DERA: variants seen among roughly 807,000 people sequenced by gnomAD.
The protein encoded by DERA is 2-deoxy-D-ribose 5-phosphate aldolase.
Under a neutral mutation model 41.1 loss-of-function variants are expected in DERA, and 15 were observed. That is an observed-to-expected ratio of 0.37 (90% CI 0.24 to 0.56). The LOEUF (loss-of-function observed/expected upper bound fraction) is 0.56. DERA is among the 20% of genes least tolerant of loss of function. The pLI is 0.81. For synonymous variants in DERA, 139 were observed against 137.4 expected (o/e 1.01, Z -0.08); for missense variants, 396 against 403.4 (o/e 0.98, Z 0.16).
Position 16,021,779 on chromosome 12 carries a change from G to A in DERA, c.638-10763G>A, listed in dbSNP as rs780137972. On this transcript the variant is annotated intron_variant, in intron 6 of 8. Coordinates refer to ENST00000428559, the MANE Select transcript of DERA (RefSeq NM_015954.4). This position sits in a 1 kb window ranked among gnomAD's most constrained non-coding sequence, Gnocchi z 5.3. ...TTGGGGCTTGTATGAGGCCTATAGC[G>A]CACCCCTCCCCCTTTTTTGGCTGAT... Among the ~76,000 whole-genome samples the A allele has an allele frequency of 6.6e-5, 10 of 152,092 alleles. No individual in the cohort carries two copies. Among genetic ancestry groups the A allele is most frequent in the East Asian group, 1.9e-4 (1 of 5,178 alleles).
At chr12:15,973,373 G>T (rs933545229) in intron 5 of DERA, among the ~76,000 whole-genome samples, 8 of 148,322 alleles carry the variant, frequency 5.4e-5, no homozygotes, top group African/African-American at 2.0e-4. Flanking sequence ...GCATTATTCT[G>T]ACTAATTTGC....
chr12:15,979,305 C>T (rs1365380041), intron 5 of DERA, among the ~76,000 whole-genome samples: 1 of 152,222 alleles, frequency 6.6e-6, no homozygotes, highest in Non-Finnish European at 1.5e-5. Context: ...GCTGGTGCTG[C>T]TCCTACTGGC....
chr12:15,917,445 C>G (rs73057124), intron 1 of DERA, among the ~76,000 whole-genome samples: 2,442 of 152,246 alleles, frequency 0.016, 30 homozygotes, highest in Middle Eastern at 0.031. Flanking sequence ...ATATTTAATA[C>G]TTAACATACA....
Position 15,996,000 on chromosome 12 carries a change from G to T in DERA, c.637+13564G>T, listed in dbSNP as rs1252086274. Among the ~76,000 whole-genome samples the T allele has an allele frequency of 6.6e-6, 1 of 152,134 alleles. No homozygotes were observed. The highest frequency in any genetic ancestry group is 1.5e-5 in the Non-Finnish European group (1 of 68,024). Reference sequence around the variant, plus strand: ...GGAAATTGGGTGCGCCACATCAGGAGGTAGGAGACGTTCGAGGCACAGGCT... The same window carrying T: ...GGAAATTGGGTGCGCCACATCAGGATGTAGGAGACGTTCGAGGCACAGGCT... On this transcript the variant is annotated intron_variant, in intron 6 of 8. Coordinates refer to ENST00000428559, the MANE Select transcript of DERA (RefSeq NM_015954.4). The surrounding 1 kb of genome is among the most constrained non-coding windows in gnomAD (Gnocchi z 5.1).
At chr12:16,022,679 G>A (rs1374560878) in intron 6 of DERA, among the ~76,000 whole-genome samples, 9 of 152,280 alleles carry the variant, frequency 5.9e-5, no homozygotes, top group Middle Eastern at 6.8e-3. Context: ...ACCTGAGGTC[G>A]CAAGGTAAAC....
At position 16,012,569 on chromosome 12, in the gene DERA, G is replaced by C. The variant is rs566233086; in HGVS notation, c.638-19973G>C. Among the ~76,000 whole-genome samples the C allele has an allele frequency of 7.1e-4, 108 of 152,296 alleles. No homozygotes were observed. The highest frequency in any genetic ancestry group is 2.4e-3 in the African/African-American group (100 of 41,566). ...TATTCAAATTTGGGAGCAGAGCCGAGTTGTTTAGACAAGAGAGAATAGTCA... is the reference window on the plus strand; with the variant it reads ...TATTCAAATTTGGGAGCAGAGCCGACTTGTTTAGACAAGAGAGAATAGTCA... On this transcript the variant is annotated intron_variant, in intron 6 of 8. Coordinates refer to ENST00000428559, the MANE Select transcript of DERA (RefSeq NM_015954.4). The surrounding 1 kb of genome is among the most constrained non-coding windows in gnomAD (Gnocchi z 4.1).
At chr12:15,920,634 A>G (rs892500052) in intron 1 of DERA, among the ~76,000 whole-genome samples, 1 of 152,064 alleles carries the variant, frequency 6.6e-6, no homozygotes, top group Non-Finnish European at 1.5e-5. Flanking sequence ...AGAGATTGAG[A>G]CCATCCTGGC....
At chr12:15,937,588 A>G (rs1346006735) in intron 1 of DERA, among the ~76,000 whole-genome samples, 1 of 152,102 alleles carries the variant, frequency 6.6e-6, no homozygotes, top group African/African-American at 2.4e-5. Context: ...CTAATGTATT[A>G]TTTCATTAAG....
chr12:16,036,097 C>A lies in DERA; in HGVS notation c.751-135C>A. The A allele has an allele frequency of 1.2e-6, 1 of 806,150 alleles. No individual in the cohort carries two copies. The highest frequency in any genetic ancestry group is 1.7e-6 in the Non-Finnish European group (1 of 573,326). The allele number at this position is 806,150 out of a possible 1,614,324, so 49.9% of individuals were successfully genotyped here. A position where few individuals can be genotyped will look rare whatever the true frequency, so the allele number is the denominator to read the frequency against. ...CATGAGTCACTGATCTAAGCCCTTT[C>A]ACTGGATGAAGTGAAAAGATTTTTT... On this transcript the variant is annotated intron_variant, in intron 7 of 8. Transcript: ENST00000428559. This position sits in a 1 kb window ranked among gnomAD's most constrained non-coding sequence, Gnocchi z 4.9.
At chr12:16,016,539 C>T (rs535227714) in intron 6 of DERA, among the ~76,000 whole-genome samples, 10 of 152,076 alleles carry the variant, frequency 6.6e-5, no homozygotes, top group African/African-American at 2.2e-4. Context: ...GTGGCTCATG[C>T]CTGTAATTCT....
chr12:15,936,865 C>T lies in DERA; in HGVS notation c.32-20071C>T, dbSNP rs566752717. 7.4e-6 allele frequency among the ~76,000 whole-genome samples: 1 copy of T among 135,272 alleles called. No homozygotes were observed. The allele number at this position is 135,272 out of a possible 152,430, so 88.7% of individuals were successfully genotyped here. A position where few individuals can be genotyped will look rare whatever the true frequency, so the allele number is the denominator to read the frequency against. ...TCTGTCTTGTGTTGTCTTGTCTTGT[C>T]TTGTCTTGTCTTGTCTTGTCTTGTC... On this transcript the variant is annotated intron_variant, in intron 1 of 8. Coordinates refer to ENST00000428559, the MANE Select transcript of DERA (RefSeq NM_015954.4). The surrounding 1 kb of genome is among the most constrained non-coding windows in gnomAD (Gnocchi z 4.6).
At chr12:15,951,941 G>A (rs1948501095) in intron 1 of DERA, among the ~76,000 whole-genome samples, 2 of 147,794 alleles carry the variant, frequency 1.4e-5, no homozygotes, top group Admixed American at 1.4e-4. Flanking sequence ...TTGCTCTGTT[G>A]CCCAGGCTAG....
intron 5 of DERA, among the ~76,000 whole-genome samples, chr12:15,969,271 C>G (rs1238112156): frequency 6.6e-6 from 1 of 152,104 alleles, no homozygotes; most frequent in Non-Finnish European, 1.5e-5. Flanking sequence ...GTTCATTTTA[C>G]TTTTTTTATG....
chr12:15,919,636 A>G (rs1266806889), intron 1 of DERA, among the ~76,000 whole-genome samples: 2 of 152,234 alleles, frequency 1.3e-5, no homozygotes, highest in Non-Finnish European at 2.9e-5. Context: ...CCTAGAAACC[A>G]AAGTGGTTGC....
At chr12:16,023,424 TC>T (rs1247051849) in intron 6 of DERA, among the ~76,000 whole-genome samples, 1 of 151,376 alleles carries the variant, frequency 6.6e-6, no homozygotes, top group Non-Finnish European at 1.5e-5. Flanking sequence ...TGCATAGCTT[TC>T]AACAAAAAAT....
At chr12:15,973,525 G>A (rs1313051992) in intron 5 of DERA, among the ~76,000 whole-genome samples, 1 of 148,978 alleles carries the variant, frequency 6.7e-6, no homozygotes, top group Non-Finnish European at 1.5e-5. Flanking sequence ...ATGTGAATAT[G>A]TAAGCAGAAA....
Position 15,996,277 on chromosome 12 carries a change from G to A in DERA, c.637+13841G>A, listed in dbSNP as rs151118341. Among the ~76,000 whole-genome samples, 1 of 151,834 alleles carries A rather than the reference G, an allele frequency of 6.6e-6. No individual in the cohort carries two copies. The highest frequency in any genetic ancestry group is 1.5e-5 in the Non-Finnish European group (1 of 67,948). On this transcript the variant is annotated intron_variant, in intron 6 of 8. Coordinates refer to ENST00000428559, the MANE Select transcript of DERA (RefSeq NM_015954.4). This position sits in a 1 kb window ranked among gnomAD's most constrained non-coding sequence, Gnocchi z 4.7. ...AAAAGAGGAGTGTATTAGTTTCTTG[G>A]GCTCGCTGTAACAGAGTACCGCAAA...
intron 1 of DERA, among the ~76,000 whole-genome samples, chr12:15,912,035 T>C (rs1243184128): frequency 6.6e-6 from 1 of 151,950 alleles, no homozygotes; most frequent in African/African-American, 2.4e-5. Flanking sequence ...TTTTTTTTTT[T>C]TATTGATCAT....
At chr12:16,007,189 GTTT>G (rs11287161) in intron 6 of DERA, among the ~76,000 whole-genome samples, 1 of 105,012 alleles carries the variant, frequency 9.5e-6, no homozygotes, top group African/African-American at 3.2e-5. Flanking sequence ...TTTTTTTTTT[GTTT>G]TTTTTTTTTG....
Sources: allele counts gnomAD v4.1 joint callset (sites outside exome capture counted in the v4.1 genomes callset), GRCh38; gene constraint gnomAD v4.1.1; non-coding constraint Gnocchi (gnomAD v3.1); transcripts MANE v1.5; gene names NCBI Gene and HGNC (gene_info 2026-07-23, HGNC 2026-07-21).